The following MITF variants were observed in gnomAD, a reference collection of about 807,000 sequenced individuals.
MITF encodes melanocyte inducing transcription factor.
Under a neutral mutation model 60.5 loss-of-function variants are expected in MITF, and 17 were observed. The ratio of observed to expected loss-of-function variants is 0.28; its 90% CI spans 0.19 to 0.42. The LOEUF is 0.42. Among genes scored for constraint, MITF ranks in the 10% least tolerant of loss-of-function variants. MITF has a pLI of 1.00. For missense variants in MITF, 622 were observed against 683.5 expected (o/e 0.91, Z 1.00); for synonymous variants, 260 against 248.5 (o/e 1.05, Z -0.43).
At chr3:69,757,142 A>G (rs1704181864) in intron 1 of MITF, among the ~76,000 whole-genome samples, 1 of 152,156 alleles carries the variant, frequency 6.6e-6, no homozygotes, top group Non-Finnish European at 1.5e-5. Context: ...CTTCCAGACC[A>G]CTTCCCCCAA....
intron 1 of MITF, among the ~76,000 whole-genome samples, chr3:69,746,062 G>A (rs1044057487): frequency 1.3e-5 from 2 of 152,188 alleles, no homozygotes; most frequent in Non-Finnish European, 2.9e-5. Flanking sequence ...TCAACCTGCA[G>A]ATGTTCAAAT....
intron 1 of MITF, among the ~76,000 whole-genome samples, chr3:69,784,091 A>G (rs1245508429): frequency 2.0e-5 from 3 of 152,072 alleles, no homozygotes; most frequent in African/African-American, 7.2e-5. Context: ...TGTTAATGTT[A>G]GCAATATCAC....
rs2065793582 is a variant in MITF at position 69,934,690 on chromosome 3, G to A, written c.355-3132G>A. Among the ~76,000 whole-genome samples the A allele has an allele frequency of 4.6e-5, 7 of 152,312 alleles. No homozygotes were observed. The South Asian group carries it at 1.2e-3, about 27-fold the overall frequency. ...AGTTAAGAACTCCACTGTCTGTGTT[G>A]TCAGGCACATTGTCTTTCAAAGAAG... On this transcript the variant is annotated intron_variant, in intron 2 of 9. Coordinates refer to ENST00000352241, the MANE Select transcript of MITF (RefSeq NM_001354604.2).
chr3:69,797,320 C>T (rs565298930), intron 1 of MITF, among the ~76,000 whole-genome samples: 3 of 151,832 alleles, frequency 2.0e-5, no homozygotes, highest in Non-Finnish European at 2.9e-5. Context: ...TTTTTTGTCT[C>T]GATGGAAATT....
At chr3:69,921,179 T>C (rs1219568572) in intron 2 of MITF, among the ~76,000 whole-genome samples, 6 of 152,184 alleles carry the variant, frequency 3.9e-5, no homozygotes, top group African/African-American at 1.4e-4. Context: ...GCTGATTTGC[T>C]GTTTTATCAT....
chr3:69,920,849 G>C (rs2065450390), intron 2 of MITF, among the ~76,000 whole-genome samples: 1 of 152,072 alleles, frequency 6.6e-6, no homozygotes, highest in Non-Finnish European at 1.5e-5. Context: ...ACTGCACACG[G>C]GGAGAGACCC....
chr3:69,779,058 G>T (rs1189135345), intron 1 of MITF: 1 of 152,124 alleles, frequency 6.6e-6, no homozygotes, highest in African/African-American at 2.4e-5. Flanking sequence ...ATTATTCGGG[G>T]TATCATGAAG....
intron 2 of MITF, among the ~76,000 whole-genome samples, chr3:69,935,336 C>G (rs1424853886): frequency 6.6e-6 from 1 of 152,200 alleles, no homozygotes; most frequent in Non-Finnish European, 1.5e-5. Context: ...TCTTTCTTTA[C>G]TAAAGCATAA....
At chr3:69,882,902 G>T (rs971851695) in intron 2 of MITF, among the ~76,000 whole-genome samples, 2 of 152,118 alleles carry the variant, frequency 1.3e-5, no homozygotes, top group Non-Finnish European at 2.9e-5. Flanking sequence ...GGGCTTTGAC[G>T]GTTGAAAGCT....
intron 1 of MITF, among the ~76,000 whole-genome samples, chr3:69,785,548 C>G (rs2062634849): frequency 6.6e-6 from 1 of 152,206 alleles, no homozygotes; most frequent in Non-Finnish European, 1.5e-5. Context: ...GACAGAAATG[C>G]ACGTTGTTAC....
At position 69,956,340 on chromosome 3, in the gene MITF, C is replaced by A. The variant is rs2066396740; in HGVS notation, c.956-115C>A. 3.7e-6 allele frequency: 3 copies of A among 811,232 alleles called. No individual in the cohort carries two copies. The South Asian group carries it at 4.3e-5, about 12-fold the overall frequency. The allele number at this position is 811,232 out of a possible 1,614,324, so 50.3% of individuals were successfully genotyped here. ...AGTAAAAATAGGGAAAAAGTAGGTT[C>A]AGGTTTCCGTTGTCATGACCTGGAG... On this transcript the variant is annotated intron_variant, in intron 7 of 9. Transcript: ENST00000352241.
chr3:69,922,357 G>A (rs2065487115), intron 2 of MITF, among the ~76,000 whole-genome samples: 2 of 152,082 alleles, frequency 1.3e-5, no homozygotes, highest in African/African-American at 4.8e-5. Context: ...AAGTAGCTGG[G>A]ACTACAGGCA....
At chr3:69,891,213 T>C (rs2064752876) in intron 2 of MITF, among the ~76,000 whole-genome samples, 1 of 152,192 alleles carries the variant, frequency 6.6e-6, no homozygotes, top group Non-Finnish European at 1.5e-5. Flanking sequence ...TTGATAGAGC[T>C]CATAATACAA....
At chr3:69,750,289 T>C (rs1388261185) in intron 1 of MITF, among the ~76,000 whole-genome samples, 1 of 152,036 alleles carries the variant, frequency 6.6e-6, no homozygotes, top group East Asian at 1.9e-4. Context: ...GGGGTGCACA[T>C]TGTTCAAAGT....
Position 69,832,619 on chromosome 3 carries a change from C to T in MITF, c.105-46515C>T, listed in dbSNP as rs112012655. ...ATGACATTGTACGCAATTGTTTCCCCGTTTACACTGTATATTGTTGTTTGC... is the reference window on the plus strand; with the variant it reads ...ATGACATTGTACGCAATTGTTTCCCTGTTTACACTGTATATTGTTGTTTGC... On this transcript the variant is annotated intron_variant, in intron 1 of 9. Coordinates refer to ENST00000352241, the MANE Select transcript of MITF (RefSeq NM_001354604.2). Among the ~76,000 whole-genome samples the T allele has an allele frequency of 8.9e-3, 1,348 of 152,282 alleles. 17 individuals are homozygous for T. Among genetic ancestry groups the T allele is most frequent in the African/African-American group, 0.029 (1,220 of 41,536 alleles).
chr3:69,881,699 T>C (rs1298975719), intron 2 of MITF, among the ~76,000 whole-genome samples: 1 of 151,972 alleles, frequency 6.6e-6, no homozygotes, highest in Non-Finnish European at 1.5e-5. Flanking sequence ...GTGAAGTAAG[T>C]GGTTAATAGC....
At chr3:69,846,575 G>C (rs999163784) in intron 1 of MITF, among the ~76,000 whole-genome samples, 2 of 152,134 alleles carry the variant, frequency 1.3e-5, no homozygotes, top group Admixed American at 1.3e-4. Flanking sequence ...AGCACTTTGG[G>C]AGGCCAAGGC....
At chr3:69,841,181 A>G (rs543742793) in intron 1 of MITF, among the ~76,000 whole-genome samples, 1 of 152,364 alleles carries the variant, frequency 6.6e-6, no homozygotes, top group South Asian at 2.1e-4. Flanking sequence ...TTAAGTACAT[A>G]TATCTTCGAT....
intron 1 of MITF, among the ~76,000 whole-genome samples, chr3:69,843,360 T>A (rs2063674202): frequency 6.6e-6 from 1 of 152,220 alleles, no homozygotes; most frequent in African/African-American, 2.4e-5. Context: ...CTGTATAATC[T>A]CTACCAGAAA....
Sources: gnomAD v4.1 joint callset for allele counts (sites outside exome capture counted in the v4.1 genomes callset) on GRCh38, gnomAD v4.1.1 for gene constraint, MANE v1.5 for transcripts, NCBI Gene and HGNC (gene_info 2026-07-23, HGNC 2026-07-21) for gene names.